Variants in SOBP observed in about 807,000 individuals in gnomAD.
SOBP encodes sine oculis-binding protein homolog.
A neutral mutation model predicts 53.6 loss-of-function variants in SOBP; 4 were observed. The ratio of observed to expected loss-of-function variants is 0.07; its 90% CI spans 0.04 to 0.17. SOBP has a LOEUF of 0.17. SOBP is among the 10% of genes least tolerant of loss of function. The pLI is 1.00. For missense variants in SOBP, 1,088 were observed against 1,204.7 expected (o/e 0.90, Z 1.43); for synonymous variants, 584 against 522.6 (o/e 1.12, Z -1.60).
chr6:107,599,291 A>G (rs191012555), intron 5 of SOBP, among the ~76,000 whole-genome samples: 9 of 152,372 alleles, frequency 5.9e-5, no homozygotes, highest in Admixed American at 5.9e-4. Flanking sequence ...CAAGTGCTCA[A>G]TAAAGTGTAA....
chr6:107,491,281 G>GC (rs1228777646), intron 1 of SOBP, among the ~76,000 whole-genome samples: 24 of 152,172 alleles, frequency 1.6e-4, no homozygotes, highest in African/African-American at 5.8e-4. Flanking sequence ...CTCCTCGCCC[G>GC]CCCCCGCCCG....
At position 107,635,356 on chromosome 6, in the gene SOBP, G is replaced by T; in HGVS notation, c.2512G>T (p.Ala838Ser). The change falls in exon 6 of 7, where the codon GCT becomes TCT. Residue 838 changes from alanine to serine, a missense_variant. Transcript: ENST00000317357. The surrounding 1 kb of genome is among the most constrained non-coding windows in gnomAD (Gnocchi z 4.5). ...IQPVPKPAEK[A>S]AMAPCIISSP... ...GCCTGTGCCAAAACCCGCGGAGAAGGCTGCCATGGCACCGTGCATCATCTC... is the reference window on the plus strand; with the variant it reads ...GCCTGTGCCAAAACCCGCGGAGAAGTCTGCCATGGCACCGTGCATCATCTC... The T allele has an allele frequency of 6.2e-7, 1 of 1,613,584 alleles. No homozygotes were observed. The highest frequency in any genetic ancestry group is 2.2e-5 in the East Asian group (1 of 44,866).
chr6:107,570,670 C>CT (rs1785048561), intron 4 of SOBP, among the ~76,000 whole-genome samples: 1 of 152,242 alleles, frequency 6.6e-6, no homozygotes, highest in Admixed American at 6.5e-5. Flanking sequence ...TCCTTTCATT[C>CT]TTTCAGCCAC....
intron 5 of SOBP, among the ~76,000 whole-genome samples, chr6:107,596,546 A>G (rs568623486): frequency 1.1e-4 from 16 of 152,342 alleles, no homozygotes; most frequent in African/African-American, 3.8e-4. Flanking sequence ...AGTGGAGCTG[A>G]TAGATGGCTT....
At chr6:107,553,183 G>A (rs1257024907) in intron 4 of SOBP, among the ~76,000 whole-genome samples, 1 of 151,890 alleles carries the variant, frequency 6.6e-6, no homozygotes, top group Non-Finnish European at 1.5e-5. Flanking sequence ...TTGATAATCT[G>A]AAGAAAGCTT....
chr6:107,606,722 G>A (rs909869678), intron 5 of SOBP, among the ~76,000 whole-genome samples: 2 of 152,226 alleles, frequency 1.3e-5, no homozygotes, highest in Non-Finnish European at 2.9e-5. Context: ...CCCTCACTGG[G>A]ATCCCCTCTT....
chr6:107,508,867 G>T (rs184502078), intron 3 of SOBP, among the ~76,000 whole-genome samples: 1 of 152,298 alleles, frequency 6.6e-6, no homozygotes, highest in Admixed American at 6.5e-5. Context: ...TTGAATATAT[G>T]CCCAGTGGCT....
At chr6:107,573,274 A>G (rs989629594) in intron 4 of SOBP, among the ~76,000 whole-genome samples, 2 of 151,946 alleles carry the variant, frequency 1.3e-5, no homozygotes, top group Non-Finnish European at 2.9e-5. Context: ...ATACCCTTAT[A>G]GTTGCATGCA....
At chr6:107,644,813 T>C (rs1251300208) in intron 6 of SOBP, among the ~76,000 whole-genome samples, 3 of 152,236 alleles carry the variant, frequency 2.0e-5, no homozygotes, top group Admixed American at 1.3e-4. Context: ...GCCAAAGTGC[T>C]TGGCAAAATA....
intron 4 of SOBP, among the ~76,000 whole-genome samples, chr6:107,544,323 C>T (rs2115001696): frequency 6.6e-6 from 1 of 152,292 alleles, no homozygotes; most frequent in Non-Finnish European, 1.5e-5. Context: ...ATTAATTAAT[C>T]TATTTATTTA....
At chr6:107,532,186 TAAA>T (rs1329335915) in intron 3 of SOBP, among the ~76,000 whole-genome samples, 1 of 143,360 alleles carries the variant, frequency 7.0e-6, no homozygotes, top group Non-Finnish European at 1.5e-5. Flanking sequence ...TGTGGGTTAA[TAAA>T]AAAAAAATTC....
intron 6 of SOBP, among the ~76,000 whole-genome samples, chr6:107,651,045 C>T (rs1487437729): frequency 2.6e-5 from 4 of 152,128 alleles, no homozygotes; most frequent in African/African-American, 9.7e-5. Flanking sequence ...GCTGGCGGAT[C>T]GCTTGAGCCC....
chr6:107,616,078 GGGGGGT>G (rs1411654408), intron 5 of SOBP, among the ~76,000 whole-genome samples: 1 of 100,220 alleles, frequency 1.0e-5, no homozygotes, highest in African/African-American at 4.8e-5. Flanking sequence ...CATTGAGGAA[GGGGGGT>G]GGGGGGGGGG....
At chr6:107,533,271 C>CAA (rs762864049) in intron 3 of SOBP, among the ~76,000 whole-genome samples, 188 bp from the exon 4 acceptor site, 3,517 of 31,992 alleles carry the variant, frequency 0.11, 324 homozygotes, top group Non-Finnish European at 0.16. Flanking sequence ...ACTTAGGAGC[C>CAA]AAAAAAAAAA....
At position 107,633,673 on chromosome 6, in the gene SOBP, A is replaced by G; in HGVS notation, c.829A>G (p.Ser277Gly). 6.2e-7 allele frequency: 1 copy of G among 1,614,254 alleles called. No homozygotes were observed. The highest frequency in any genetic ancestry group is 8.5e-7 in the Non-Finnish European group (1 of 1,180,038). Residue 277 changes from serine to glycine, a missense_variant, in exon 6 of 7, where the codon AGC becomes GGC. Transcript: ENST00000317357. ...GGCCAATCTTCCAGCTGGGCTGTGC[A>G]GCACATTACACCCTCCCATGGAAAA... is the stretch of plus-strand genomic sequence containing the variant. ...TQANLPAGLC[S>G]TLHPPMENKA... is the part of the protein sequence containing the mutation.
chr6:107,602,202 G>A (rs1786206128), intron 5 of SOBP, among the ~76,000 whole-genome samples: 1 of 152,170 alleles, frequency 6.6e-6, no homozygotes, highest in Non-Finnish European at 1.5e-5. Context: ...TGAAACAGAA[G>A]TAAAAATGGA....
At chr6:107,644,870 A>G (rs1233262404) in intron 6 of SOBP, among the ~76,000 whole-genome samples, 1 of 152,230 alleles carries the variant, frequency 6.6e-6, no homozygotes, top group East Asian at 1.9e-4. Flanking sequence ...TAATTCTAAG[A>G]TTTGCCAAAC....
chr6:107,650,879 C>T (rs1771775209), intron 6 of SOBP, among the ~76,000 whole-genome samples: 1 of 152,188 alleles, frequency 6.6e-6, no homozygotes, highest in African/African-American at 2.4e-5. Context: ...GTGAGGAAGG[C>T]ATATTGAAAG....
intron 4 of SOBP, among the ~76,000 whole-genome samples, chr6:107,584,324 G>GA (rs1785500425): frequency 6.6e-6 from 1 of 151,146 alleles, no homozygotes; most frequent in African/African-American, 2.4e-5. Context: ...TGTGTTAGAT[G>GA]AATGCACTGA....
Sources: gnomAD v4.1 joint callset for allele counts (sites outside exome capture counted in the v4.1 genomes callset) on GRCh38, gnomAD v4.1.1 for gene constraint, Gnocchi (gnomAD v3.1) non-coding constraint, MANE v1.5 for transcripts, NCBI Gene and HGNC (gene_info 2026-07-23, HGNC 2026-07-21) for gene names.